Variants in RPTOR observed in about 807,000 individuals in gnomAD.
The protein encoded by RPTOR is regulatory-associated protein of mTOR.
In RPTOR, 21 loss-of-function variants were observed where a neutral mutation model predicts 169.9. The observed-to-expected ratio is 0.12, with a 90% CI of 0.09 to 0.18. The LOEUF (loss-of-function observed/expected upper bound fraction) is 0.18. RPTOR is among the 10% of genes least tolerant of loss of function. The pLI, the probability that RPTOR is intolerant of heterozygous loss-of-function variation, is 1.00. For synonymous variants in RPTOR, 732 were observed against 753.2 expected (o/e 0.97, Z 0.46); for missense variants, 1,133 against 1,855.9 (o/e 0.61, Z 7.16).
At chr17:80,742,785 TAC>T (rs749700963) in intron 5 of RPTOR, among the ~76,000 whole-genome samples, 3 of 152,000 alleles carry the variant, frequency 2.0e-5, no homozygotes, top group South Asian at 2.1e-4. Context: ...TACATGTGCA[TAC>T]ACACATGCAC....
intron 20 of RPTOR, among the ~76,000 whole-genome samples, chr17:80,903,866 A>C (rs1403961579): frequency 6.6e-6 from 1 of 152,244 alleles, no homozygotes; most frequent in Admixed American, 6.5e-5. Context: ...TTTTTGCCAA[A>C]GGAACTGTGT....
At chr17:80,778,375 T>C (rs2066910376) in intron 6 of RPTOR, among the ~76,000 whole-genome samples, 3 of 152,214 alleles carry the variant, frequency 2.0e-5, no homozygotes, top group Non-Finnish European at 4.4e-5. Flanking sequence ...TGATCAGCTG[T>C]TTATCTGCTT....
At chr17:80,650,519 G>A (rs995458333) in intron 3 of RPTOR, among the ~76,000 whole-genome samples, 4 of 152,232 alleles carry the variant, frequency 2.6e-5, no homozygotes, top group Admixed American at 6.5e-5. Context: ...GTGGGGTGGG[G>A]AGAGCTTAAC....
At chr17:80,865,300 C>T (rs1264565271) in intron 13 of RPTOR, among the ~76,000 whole-genome samples, 2 of 152,154 alleles carry the variant, frequency 1.3e-5, no homozygotes, top group African/African-American at 2.4e-5. Flanking sequence ...AGATGGACAC[C>T]TAATCCTGCC....
intron 24 of RPTOR, 24 bp downstream of exon 24, chr17:80,925,504 G>C (rs527726293): frequency 6.4e-7 from 1 of 1,568,610 alleles, no homozygotes; most frequent in East Asian, 2.2e-5. Flanking sequence ...GTGGGGTTCA[G>C]AGTAGAGTCC....
At chr17:80,629,076 CCGCAG>C in intron 2 of RPTOR, among the ~76,000 whole-genome samples, 1 of 139,410 alleles carries the variant, frequency 7.2e-6, no homozygotes, top group African/African-American at 2.7e-5. Flanking sequence ...GGACATTGTA[CCGCAG>C]CTCTTTTGTG....
Position 80,820,249 on chromosome 17 carries a change from C to T in RPTOR, c.891-1952C>T, listed in dbSNP as rs969295806. ...TGACAGTCCTGCAGCTTGAAAGAGG[C>T]GGTGTTTTTGCGGAACAGTTATTGA... is the stretch of plus-strand genomic sequence containing the variant. On this transcript the variant is annotated intron_variant, in intron 7 of 33. Transcript: ENST00000306801. This position sits in a 1 kb window ranked among gnomAD's most constrained non-coding sequence, Gnocchi z 4.1. Among the ~76,000 whole-genome samples, 1 of 152,088 alleles carries T rather than the reference C, an allele frequency of 6.6e-6. No homozygotes were observed. The highest frequency in any genetic ancestry group is 6.5e-5 in the Admixed American group (1 of 15,272).
chr17:80,686,186 A>AC (rs2143725975), intron 3 of RPTOR, among the ~76,000 whole-genome samples: 1 of 135,212 alleles, frequency 7.4e-6, no homozygotes, highest in East Asian at 2.0e-4. Flanking sequence ...CTTCATAACA[A>AC]CTTTTTTTTT....
chr17:80,719,198 G>A (rs1364066138), intron 4 of RPTOR, among the ~76,000 whole-genome samples: 1 of 152,180 alleles, frequency 6.6e-6, no homozygotes, highest in Non-Finnish European at 1.5e-5. Flanking sequence ...AGTGAAATCT[G>A]GGGAGCAGAA....
At chr17:80,550,384 T>G (rs1427463839) in intron 1 of RPTOR, among the ~76,000 whole-genome samples, 9 of 152,214 alleles carry the variant, frequency 5.9e-5, no homozygotes, top group Admixed American at 5.9e-4. Context: ...TCAGACTCCT[T>G]TGCTACCTGA....
chr17:80,861,274 G>C lies in RPTOR; in HGVS notation c.1509+3374G>C, dbSNP rs908242. On this transcript the variant is annotated intron_variant, in intron 13 of 33. Transcript: ENST00000306801. This position sits in a 1 kb window ranked among gnomAD's most constrained non-coding sequence, Gnocchi z 4.5. Reference sequence around the variant, plus strand: ...GCCACAGTTCCAGAGCTCAGAACCAGGACGTGGAAAACTGCTGTGTAAATT... The same window carrying C: ...GCCACAGTTCCAGAGCTCAGAACCACGACGTGGAAAACTGCTGTGTAAATT... 2.3e-3 allele frequency among the ~76,000 whole-genome samples: 327 copies of C among 144,556 alleles called. 51 individuals are homozygous for C. Among genetic ancestry groups the C allele is most frequent in the Admixed American group, 3.6e-3 (53 of 14,604 alleles). The allele number at this position is 144,556 out of a possible 152,430, so 94.8% of individuals were successfully genotyped here. A position where few individuals can be genotyped will look rare whatever the true frequency, so the allele number is the denominator to read the frequency against.
At chr17:80,740,624 AAATT>A (rs765189702) in intron 5 of RPTOR, among the ~76,000 whole-genome samples, 11 of 152,224 alleles carry the variant, frequency 7.2e-5, no homozygotes, top group Admixed American at 4.6e-4. Flanking sequence ...CAATGTTTAA[AAATT>A]AATTAATGTA....
chr17:80,742,710 A>G (rs1273589409), intron 5 of RPTOR, among the ~76,000 whole-genome samples: 1 of 151,970 alleles, frequency 6.6e-6, no homozygotes, highest in East Asian at 1.9e-4. Flanking sequence ...GACACCATAG[A>G]CACACCCACA....
intron 5 of RPTOR, among the ~76,000 whole-genome samples, chr17:80,748,206 G>T (rs7218862): frequency 9.5e-5 from 8 of 83,786 alleles, no homozygotes; most frequent in South Asian, 4.5e-4. Context: ...TTTGGAGGCC[G>T]TGGCGGGAGG....
intron 17 of RPTOR, among the ~76,000 whole-genome samples, chr17:80,887,182 C>T (rs937711739): frequency 7.3e-5 from 11 of 151,718 alleles, no homozygotes; most frequent in Admixed American, 1.3e-4. Flanking sequence ...TGCACTGGCG[C>T]GCAGACTCCG....
intron 6 of RPTOR, among the ~76,000 whole-genome samples, chr17:80,763,168 C>G (rs1426732163): frequency 6.6e-6 from 1 of 152,006 alleles, no homozygotes; most frequent in Non-Finnish European, 1.5e-5. Context: ...ATCAGTTGAG[C>G]CCAGGAGTTC....
At chr17:80,899,761 T>C (rs2068452430) in intron 20 of RPTOR, among the ~76,000 whole-genome samples, 1 of 152,260 alleles carries the variant, frequency 6.6e-6, no homozygotes, top group East Asian at 1.9e-4. Flanking sequence ...GTTTGAATTT[T>C]GCGTAACTTC....
chr17:80,836,449 C>G (rs8077421), intron 9 of RPTOR, among the ~76,000 whole-genome samples: 1 of 152,186 alleles, frequency 6.6e-6, no homozygotes, highest in Non-Finnish European at 1.5e-5. Flanking sequence ...TGTGGCTCTG[C>G]GGCCTTGGGC....
intron 6 of RPTOR, among the ~76,000 whole-genome samples, chr17:80,768,559 C>G (rs75905813): frequency 6.6e-6 from 1 of 151,706 alleles, no homozygotes; most frequent in Admixed American, 6.6e-5. Context: ...AGTGCTCAGC[C>G]CCGGCCTCAC....
Sources: allele counts gnomAD v4.1 joint callset (sites outside exome capture counted in the v4.1 genomes callset), GRCh38; gene constraint gnomAD v4.1.1; non-coding constraint Gnocchi (gnomAD v3.1); transcripts MANE v1.5; gene names NCBI Gene and HGNC (gene_info 2026-07-23, HGNC 2026-07-21).